ZNF292: variants seen among roughly 807,000 people sequenced by gnomAD.
ZNF292 encodes 16 zinc-finger domain protein.
In ZNF292, 26 loss-of-function variants were observed where a neutral mutation model predicts 217.9. The observed-to-expected ratio is 0.12, with a 90% CI of 0.09 to 0.17. The LOEUF is 0.17. ZNF292 is among the 10% of genes least tolerant of loss of function. The pLI is 1.00. For synonymous variants in ZNF292, 1,257 were observed against 1,124.1 expected (o/e 1.12, Z -2.37); for missense variants, 2,904 against 3,175.2 (o/e 0.91, Z 2.05).
In ZNF292 at chr6:87,260,136, G is replaced by A. The variant is rs765923721; in HGVS notation, c.6507G>A (p.Leu2169=). 1.2e-6 allele frequency: 2 copies of A among 1,613,212 alleles called. No individual in the cohort carries two copies. The highest frequency in any genetic ancestry group is 2.2e-5 in the South Asian group (2 of 91,062). The change falls in exon 8 of 8, where the codon TTG becomes TTA. Residue 2169 remains leucine (L), a synonymous_variant. Transcript: ENST00000369577. ...AAGAAACTGAAACTAAACAAACTTT[G>A]AAAGAATTTCGATGTCAGGTAAGTG... is the stretch of plus-strand genomic sequence containing the variant. ...ESEETETKQT[L]KEFRCQVSDC...
At chr6:87,219,419 T>C (rs1379053259) in intron 4 of ZNF292, among the ~76,000 whole-genome samples, 1 of 152,232 alleles carries the variant, frequency 6.6e-6, no homozygotes, top group African/African-American at 2.4e-5. Flanking sequence ...ATATATCTAA[T>C]GGAAAAGCAT....
At chr6:87,183,652 C>G (rs908530338) in intron 1 of ZNF292, among the ~76,000 whole-genome samples, 1 of 152,116 alleles carries the variant, frequency 6.6e-6, no homozygotes, top group African/African-American at 2.4e-5. Context: ...AGAACATAAA[C>G]CACTTTACAC....
At chr6:87,211,209 T>G (rs183298391) in intron 1 of ZNF292, among the ~76,000 whole-genome samples, 319 of 152,294 alleles carry the variant, frequency 2.1e-3, no homozygotes, top group African/African-American at 7.3e-3. Flanking sequence ...GCCAACTTGT[T>G]CTGTTTTTGG....
intron 1 of ZNF292, among the ~76,000 whole-genome samples, chr6:87,177,610 A>G (rs973937379): frequency 6.6e-6 from 1 of 152,216 alleles, no homozygotes; most frequent in Non-Finnish European, 1.5e-5. Flanking sequence ...TCCAAAGCAC[A>G]GATACCATAT....
At chr6:87,164,703 A>G (rs1171729670) in intron 1 of ZNF292, among the ~76,000 whole-genome samples, 1 of 151,830 alleles carries the variant, frequency 6.6e-6, no homozygotes, top group Non-Finnish European at 1.5e-5. Context: ...CAATCTCTAA[A>G]TAGAAGAGAG....
At chr6:87,196,675 C>A (rs1382881729) in intron 1 of ZNF292, among the ~76,000 whole-genome samples, 1 of 149,798 alleles carries the variant, frequency 6.7e-6, no homozygotes, top group South Asian at 2.1e-4. Context: ...TTGTTGGGGA[C>A]TGTTATTTAT....
chr6:87,184,740 T>C (rs1771587781), intron 1 of ZNF292, among the ~76,000 whole-genome samples: 1 of 152,122 alleles, frequency 6.6e-6, no homozygotes, highest in Admixed American at 6.5e-5. Flanking sequence ...CTCAGTCCAG[T>C]TCCTAAGGCC....
intron 3 of ZNF292, 147 bp downstream of exon 3, chr6:87,216,524 G>T: frequency 1.7e-6 from 1 of 588,964 alleles, no homozygotes; most frequent in Non-Finnish European, 3.0e-6. Context: ...ATCTTACATA[G>T]AGTAGATCTC....
rs1411931089 is a variant in ZNF292 at position 87,259,674 on chromosome 6, T to G, written c.6045T>G (p.Asn2015Lys). 14 of 1,591,224 alleles carry G rather than the reference T, an allele frequency of 8.8e-6. No homozygotes were observed. The highest frequency in any genetic ancestry group is 1.2e-5 in the Non-Finnish European group (14 of 1,168,704). The stretch of plus-strand genomic sequence containing the variant: ...AACAGCTAGCTATGACAGAGGAAAA[T>G]AAAAAGGAATCTCAGCCTGCTTTAG... ...VKKQLAMTEE[N>K]KKESQPALEL... is the part of the protein sequence containing the mutation. The change falls in exon 8 of 8, where the codon AAT (asparagine) becomes AAG (lysine). Residue 2015 changes from asparagine (N) to lysine (K), a missense_variant. This residue lies in a region of ZNF292 where 261 missense variants were observed against 272.8 expected (regional missense o/e 0.96). Transcript: ENST00000369577.
At chr6:87,197,494 G>A (rs1771984456) in intron 1 of ZNF292, among the ~76,000 whole-genome samples, 1 of 151,142 alleles carries the variant, frequency 6.6e-6, no homozygotes, top group South Asian at 2.1e-4. Context: ...CAGCACTTTG[G>A]GAGGCCAAGG....
intron 1 of ZNF292, among the ~76,000 whole-genome samples, chr6:87,212,917 G>T (rs900925806): frequency 3.3e-5 from 5 of 152,162 alleles, no homozygotes; most frequent in Non-Finnish European, 7.3e-5. Flanking sequence ...TTATTTGAGG[G>T]CTGTTTAGAA....
In ZNF292 at chr6:87,160,487, A is replaced by G. The variant is rs1343566975; in HGVS notation, c.168+4728A>G. On this transcript the variant is annotated intron_variant, in intron 1 of 7. Transcript: ENST00000369577. ...TATACATACGTACATGTGTTTGTAT[A>G]TATATGTGTGTGTGTGTGTGTGTGT... Among the ~76,000 whole-genome samples, 108 of 77,920 alleles carry G rather than the reference A, an allele frequency of 1.4e-3. 1 individual carries two copies. The highest frequency in any genetic ancestry group is 1.4e-3 in the Non-Finnish European group (48 of 34,682). 51.1% of individuals were successfully genotyped at this position (77,920 alleles called of 152,430 possible).
In ZNF292 at chr6:87,256,091, A is replaced by C; in HGVS notation, c.2462A>C (p.Gln821Pro). The change falls in exon 8 of 8, where the codon CAG becomes CCG. Residue 821 changes from glutamine to proline, a missense_variant. Gln to Pro is a moderately conservative substitution (Grantham distance 76). This residue lies in a region of ZNF292 where 687 missense variants were observed against 623.0 expected (regional missense o/e 1.10). Coordinates refer to ENST00000369577, the MANE Select transcript of ZNF292 (RefSeq NM_015021.3). ...FTGCGKVYRS[Q>P]GELEKHLDDH... ...GGTTGTGGTAAAGTTTATCGTTCTC[A>C]GGGTGAGCTGGAAAAGCATCTGGAT... 6.2e-7 allele frequency: 1 copy of C among 1,613,308 alleles called. No homozygotes were observed. The highest frequency in any genetic ancestry group is 8.5e-7 in the Non-Finnish European group (1 of 1,179,588).
intron 1 of ZNF292, among the ~76,000 whole-genome samples, chr6:87,155,960 G>A (rs965359878): frequency 6.6e-6 from 1 of 152,256 alleles, no homozygotes; most frequent in Non-Finnish European, 1.5e-5. Context: ...CCTGGCTGGG[G>A]GAAGGGAGTT....
intron 1 of ZNF292, among the ~76,000 whole-genome samples, chr6:87,186,187 T>C (rs1582394864): frequency 6.6e-6 from 1 of 152,338 alleles, no homozygotes; most frequent in East Asian, 1.9e-4. Flanking sequence ...AGTCAACTCA[T>C]TAATATACAA....
intron 7 of ZNF292, among the ~76,000 whole-genome samples, chr6:87,252,891 C>T (rs1774999910): frequency 6.6e-6 from 1 of 151,936 alleles, no homozygotes; most frequent in African/African-American, 2.4e-5. Flanking sequence ...TTTCATCTTC[C>T]CTGTCATTTT....
chr6:87,160,764 C>A (rs950291055), intron 1 of ZNF292, among the ~76,000 whole-genome samples: 1 of 152,044 alleles, frequency 6.6e-6, no homozygotes, highest in Non-Finnish European at 1.5e-5. Context: ...ACCTCCAGTT[C>A]TCTCTTTGAT....
intron 6 of ZNF292, among the ~76,000 whole-genome samples, chr6:87,244,414 A>G (rs1054764783): frequency 6.6e-5 from 10 of 152,256 alleles, no homozygotes; most frequent in Non-Finnish European, 1.2e-4. Context: ...TTATACCAGC[A>G]TGAAAATCAG....
Position 87,259,740 on chromosome 6 carries a change from A to G in ZNF292, c.6111A>G (p.Ala2037=). The G allele has an allele frequency of 1.2e-6, 2 of 1,603,816 alleles. No individual in the cohort carries two copies. Among genetic ancestry groups the G allele is most frequent in the South Asian group, 2.2e-5 (2 of 89,376 alleles). Reference sequence around the variant, plus strand: ...CCCAAAATACCCACAGTAATGTAGCAGTGATCCCAGAAAAACAACTTGTAG... The same window carrying G: ...CCCAAAATACCCACAGTAATGTAGCGGTGATCCCAGAAAAACAACTTGTAG... ...AETQNTHSNV[A]VIPEKQLVEK... is the part of the protein sequence containing the mutation. Residue 2037 remains alanine (A), a synonymous_variant, in exon 8 of 8, where the codon GCA becomes GCG. Transcript: ENST00000369577.
Sources: allele counts gnomAD v4.1 joint callset (sites outside exome capture counted in the v4.1 genomes callset), GRCh38; gene constraint gnomAD v4.1.1; regional missense constraint gnomAD v4.1.1; transcripts MANE v1.5; gene names NCBI Gene and HGNC (gene_info 2026-07-23, HGNC 2026-07-21).